The following SLC27A5 variants were observed in gnomAD, a reference collection of about 807,000 sequenced individuals.
SLC27A5 encodes long-chain fatty acid transport protein 5.
SLC27A5 carries 47 observed loss-of-function variants against 63.1 expected under a neutral mutation model. The ratio of observed to expected loss-of-function variants is 0.74; its 90% CI spans 0.59 to 0.95. The LOEUF is 0.95. SLC27A5 is among the 40% of genes least tolerant of loss of function. The probability of loss-of-function intolerance (pLI) is 0.00; values close to 1 mark genes in which losing one functional copy is unlikely to be tolerated. For missense variants in SLC27A5, 940 were observed against 921.0 expected (o/e 1.02, Z -0.27); for synonymous variants, 391 against 403.8 (o/e 0.97, Z 0.38).
At position 58,510,745 on chromosome 19, in the gene SLC27A5, A is replaced by T; in HGVS notation, c.874T>A (p.Phe292Ile). Residue 292 changes from phenylalanine to isoleucine, a missense_variant, in exon 2 of 10, where the codon TTC (phenylalanine) becomes ATC (isoleucine). By Grantham distance (21) the Phe-to-Ile change is conservative (BLOSUM62 0). Coordinates refer to ENST00000263093, the MANE Select transcript of SLC27A5 (RefSeq NM_012254.3). Reference protein sequence around the residue: ...AGITWRSPALFIYTSGTTGLP... With the variant: ...AGITWRSPALIIYTSGTTGLP... ...CCAGTGGTCCCCGAGGTATAGATGAAGAGGGCAGGGCTTCTCCATGTGATC... is the reference window on the plus strand; with the variant it reads ...CCAGTGGTCCCCGAGGTATAGATGATGAGGGCAGGGCTTCTCCATGTGATC... The T allele has an allele frequency of 6.2e-7, 1 of 1,610,958 alleles. No individual in the cohort carries two copies. Among genetic ancestry groups the T allele is most frequent in the East Asian group, 2.2e-5 (1 of 44,806 alleles).
chr19:58,499,438 T>C, intron 7 of SLC27A5, 54 bp downstream of exon 7: 1 of 1,587,500 alleles, frequency 6.3e-7, no homozygotes, highest in Non-Finnish European at 8.6e-7. Context: ...CTCTAGGATC[T>C]GAAAGCGTCC....
At chr19:58,510,641 C>T (rs2053399196) in intron 2 of SLC27A5, 80 bp downstream of exon 2, 1 of 1,255,724 alleles carries the variant, frequency 8.0e-7, no homozygotes, top group Non-Finnish European at 1.1e-6. Context: ...CAGAGGTCAA[C>T]ACTGAGTCAC....
chr19:58,505,369 G>T (rs1358042767), intron 3 of SLC27A5, among the ~76,000 whole-genome samples: 1 of 151,758 alleles, frequency 6.6e-6, no homozygotes, highest in African/African-American at 2.4e-5. Context: ...AAAGTGCTGG[G>T]ATTACAGGCG....
Position 58,509,076 on chromosome 19 carries a change from C to CA in SLC27A5, c.1057+770dup, listed in dbSNP as rs1004669085. On this transcript the variant is annotated intron_variant, in intron 3 of 9. Coordinates refer to ENST00000263093, the MANE Select transcript of SLC27A5 (RefSeq NM_012254.3). The stretch of plus-strand genomic sequence containing the variant: ...TGGGCGACAGAGCGAGACTCTGTCT[C>CA]AAAAAAAAAAAGAGAGAGAGAGAGA... 196 of 130,444 alleles carry CA rather than the reference C, an allele frequency of 1.5e-3. 1 individual carries two copies. Among genetic ancestry groups the CA allele is most frequent in the African/African-American group, 2.5e-3 (87 of 34,866 alleles). 8.1% of individuals were successfully genotyped at this position (130,444 alleles called of 1,614,324 possible).
chr19:58,500,339 C>G lies in SLC27A5; in HGVS notation c.1468G>C (p.Gly490Arg), dbSNP rs201981392. 1.7e-5 allele frequency: 28 copies of G among 1,612,382 alleles called. No homozygotes were observed. Among genetic ancestry groups the G allele is most frequent in the Admixed American group, 1.5e-4 (9 of 59,982 alleles). ...AGGAAAGGCTCCTCAACCCCCATAC[C>G]TAGCCCTACAGGGATGCAGAAGCCC... ...NQGFCIPVGLGEPGLLLTKVV... is the reference protein window; with the variant it reads ...NQGFCIPVGLREPGLLLTKVV... The change falls in exon 6 of 10, where the codon GGG becomes CGG. Residue 490 changes from glycine to arginine, a missense_variant and splice_region_variant. Physicochemically the swap from Gly to Arg is moderately radical, Grantham distance 125. Coordinates refer to ENST00000263093, the MANE Select transcript of SLC27A5 (RefSeq NM_012254.3).
At position 58,501,392 on chromosome 19, in the gene SLC27A5, G is replaced by A; in HGVS notation, c.1076C>T (p.Ala359Val). 1.2e-6 allele frequency: 2 copies of A among 1,613,620 alleles called. No homozygotes were observed. Among genetic ancestry groups the A allele is most frequent in the African/African-American group, 2.7e-5 (2 of 75,034 alleles). Reference sequence around the variant, plus strand: ...GAAGCAGGAAGTAGAGAACTTGGGGGCCAGAACACAGGTGGCTCCTGGGAG... The same window carrying A: ...GAAGCAGGAAGTAGAGAACTTGGGGACCAGAACACAGGTGGCTCCTGGGAG... ...CLDLGATCVL[A>V]PKFSTSCFWD... The change falls in exon 4 of 10, where the codon GCC (alanine) becomes GTC (valine). Residue 359 changes from alanine (A) to valine (V), a missense_variant. By Grantham distance (64) the Ala-to-Val change is moderately conservative. Coordinates refer to ENST00000263093, the MANE Select transcript of SLC27A5 (RefSeq NM_012254.3).
chr19:58,504,866 C>T (rs978969625), intron 3 of SLC27A5, among the ~76,000 whole-genome samples: 4 of 151,616 alleles, frequency 2.6e-5, no homozygotes, highest in Non-Finnish European at 4.4e-5. Context: ...AATAGCCAGG[C>T]GTGGTGGCGG....
intron 8 of SLC27A5, 44 bp from the exon 9 acceptor site, chr19:58,498,959 C>T (rs757226749): frequency 6.3e-7 from 1 of 1,596,896 alleles, no homozygotes; most frequent in Non-Finnish European, 8.5e-7. Context: ...ATCTCGAGGG[C>T]CCATAGCTGA....
rs1362016523 is a variant in SLC27A5 at position 58,498,870 on chromosome 19, C to T, written c.1811G>A (p.Gly604Asp). The T allele has an allele frequency of 1.9e-6, 3 of 1,613,806 alleles. No homozygotes were observed. The highest frequency in any genetic ancestry group is 2.2e-5 in the South Asian group (2 of 91,076). Residue 604 changes from glycine (G) to aspartate (D), a missense_variant, in exon 9 of 10, where the codon GGC becomes GAC. Physicochemically the swap from Gly to Asp is moderately conservative, Grantham distance 94. Transcript: ENST00000263093. ...VGMAAVQLAP[G>D]QTFDGEKLYQ... ...CAACTTCTCCCCGTCGAAAGTCTGG[C>T]CGGGGGCTAGCTGCACAGCAGCCAT...
intron 3 of SLC27A5, chr19:58,507,396 C>G (rs1262319351): frequency 2.0e-5 from 3 of 152,158 alleles, no homozygotes; most frequent in South Asian, 2.1e-4. Context: ...CCAAATAATA[C>G]TCTTATAATT....
At chr19:58,508,516 A>G (rs1002985336) in intron 3 of SLC27A5, 1 of 149,902 alleles carries the variant, frequency 6.7e-6, no homozygotes, top group Non-Finnish European at 1.5e-5. Context: ...AGATCGCACC[A>G]CTGCACTCCA....
intron 3 of SLC27A5, among the ~76,000 whole-genome samples, chr19:58,503,495 C>G (rs141220693): frequency 6.6e-6 from 1 of 151,586 alleles, no homozygotes; most frequent in East Asian, 2.0e-4. Flanking sequence ...AACCCTATCT[C>G]TACCAAAAAA....
At chr19:58,500,895 G>A (rs1473036385) in intron 4 of SLC27A5, 189 bp from the exon 5 acceptor site, 2 of 1,415,534 alleles carry the variant, frequency 1.4e-6, no homozygotes, top group Non-Finnish European at 1.8e-6. Flanking sequence ...TAAATAGAGG[G>A]TTACCTGCAG....
chr19:58,511,799 G>T lies in SLC27A5; in HGVS notation c.157C>A (p.Arg53=), dbSNP rs34415062. The T allele has an allele frequency of 1.3e-6, 2 of 1,555,980 alleles. No homozygotes were observed. Among genetic ancestry groups the T allele is most frequent in the African/African-American group, 1.4e-5 (1 of 73,276 alleles). ...GGCACCCAGGGGCCGAGCCAGGGCCGTGCTAACATGGCCAGCCCAAGTAGC... is the reference window on the plus strand; with the variant it reads ...GGCACCCAGGGGCCGAGCCAGGGCCTTGCTAACATGGCCAGCCCAAGTAGC... ...CVLLGLAMLA[R]PWLGPWVPHG... The change falls in exon 1 of 10, where the codon CGG becomes AGG. Residue 53 remains arginine, a synonymous_variant. Transcript: ENST00000263093.
intron 3 of SLC27A5, among the ~76,000 whole-genome samples, chr19:58,504,576 G>GA (rs1491033963): frequency 9.9e-5 from 1 of 10,130 alleles, no homozygotes; most frequent in Non-Finnish European, 3.5e-4. Context: ...TGAACCCTGG[G>GA]GGGGGGGGGG....
chr19:58,505,603 C>A (rs550387013), intron 3 of SLC27A5, among the ~76,000 whole-genome samples: 1 of 148,598 alleles, frequency 6.7e-6, no homozygotes, highest in East Asian at 2.0e-4. Flanking sequence ...CAGCACTTTG[C>A]GAGGCTGAGG....
At chr19:58,500,884 TTAAA>T (rs2053267014) in intron 4 of SLC27A5, 178 bp from the exon 5 acceptor site, 2 of 1,422,794 alleles carry the variant, frequency 1.4e-6, no homozygotes, top group South Asian at 1.5e-5. Context: ...TACTGGAGTC[TTAAA>T]TAGAGGGTTA....
chr19:58,511,426 A>T lies in SLC27A5; in HGVS notation c.530T>A (p.Leu177His). Residue 177 changes from leucine to histidine, a missense_variant, in exon 1 of 10, where the codon CTC becomes CAC. Coordinates refer to ENST00000263093, the MANE Select transcript of SLC27A5 (RefSeq NM_012254.3). ...AACGGCCTGGGAAGCCAGCACAAGG[A>T]GGGCAGTAGGCTCCCCGGCACACAG... ...ASLCAGEPTA[L>H]LVLASQAVPA... 1 of 1,605,948 alleles carries T rather than the reference A, an allele frequency of 6.2e-7. No homozygotes were observed. Among genetic ancestry groups the T allele is most frequent in the East Asian group, 2.2e-5 (1 of 44,608 alleles).
intron 4 of SLC27A5, 70 bp from the exon 5 acceptor site, chr19:58,500,776 G>A: frequency 6.4e-7 from 1 of 1,572,846 alleles, no homozygotes; most frequent in Non-Finnish European, 8.6e-7. Context: ...TTTACCTAGA[G>A]GGGGTGTTAT....
Sources: gnomAD v4.1 joint callset for allele counts (sites outside exome capture counted in the v4.1 genomes callset) on GRCh38, gnomAD v4.1.1 for gene constraint, MANE v1.5 for transcripts, NCBI Gene and HGNC (gene_info 2026-07-23, HGNC 2026-07-21) for gene names.